CTBS: variants seen among roughly 807,000 people sequenced by gnomAD.
CTBS encodes di-N-acetylchitobiase.
In CTBS, 35 loss-of-function variants were observed where a neutral mutation model predicts 44.3. That is an observed-to-expected ratio of 0.79 (90% confidence interval 0.60 to 1.05). The LOEUF (loss-of-function observed/expected upper bound fraction) is 1.05. Among genes scored for constraint, CTBS ranks in the 50% least tolerant of loss-of-function variants. The pLI, the probability that CTBS is intolerant of heterozygous loss-of-function variation, is 0.00. For missense variants in CTBS, 458 were observed against 475.3 expected, an observed-to-expected ratio of 0.96 and a Z score of 0.34; for synonymous variants, 143 against 168.0, an observed-to-expected ratio of 0.85 and a Z score of 1.15.
rs1647212594 is a variant in CTBS at position 84,568,864 on chromosome 1, T to C, written c.525+1067A>G. Among the ~76,000 whole-genome samples the C allele has an allele frequency of 2.6e-5, 4 of 152,240 alleles. 1 individual carries two copies. The highest frequency in any genetic ancestry group is 4.1e-4 in the South Asian group (2 of 4,822). ...ATCCCGCTTTGCCTTCCACCATGAC[T>C]GTAAGTTTTCCTGAGGCCTCCCAAA... On this transcript the variant is annotated intron_variant, in intron 3 of 6. Coordinates refer to ENST00000370630, the MANE Select transcript of CTBS (RefSeq NM_004388.3).
chr1:84,570,817 A>G (rs554919380), intron 1 of CTBS, 97 bp from the exon 2 acceptor site: 362 of 1,204,690 alleles, frequency 3.0e-4, no homozygotes, highest in Non-Finnish European at 4.1e-4. Flanking sequence ...ACCAAACACT[A>G]TGGTGGCAGT....
rs1267742896 is a variant in CTBS, at chr1:84,555,213, T to G, written c.958-14A>C. ...GCCAGCAGGATCCTATATAAATAAA[T>G]TAAAATGGAGATTTTAAAGTATTTA... On this transcript the variant is annotated splice_polypyrimidine_tract_variant and intron_variant, in intron 6 of 6. Coordinates refer to ENST00000370630, the MANE Select transcript of CTBS (RefSeq NM_004388.3). 1.9e-6 allele frequency: 3 copies of G among 1,583,288 alleles called. No homozygotes were observed. The highest frequency in any genetic ancestry group is 1.7e-6 in the Non-Finnish European group (2 of 1,158,108).
At chr1:84,564,034 G>C (rs1056635914) in intron 4 of CTBS, 1 of 198,808 alleles carries the variant, frequency 5.0e-6, no homozygotes, top group African/African-American at 2.4e-5. Context: ...CTTTGAATAG[G>C]AGAAAACATT....
chr1:84,563,209 T>C (rs1684626866), intron 6 of CTBS, 48 bp downstream of exon 6: 1 of 1,245,384 alleles, frequency 8.0e-7, no homozygotes, highest in Non-Finnish European at 1.1e-6. Flanking sequence ...ATGAAAATAA[T>C]TACAAAAACT....
rs755986468 is a variant in CTBS at position 84,574,242 on chromosome 1, G to T, written c.174C>A (p.Phe58Leu). 4.1e-5 allele frequency: 66 copies of T among 1,605,702 alleles called. No homozygotes were observed. The highest frequency in any genetic ancestry group is 5.4e-5 in the African/African-American group (4 of 74,708). The change falls in exon 1 of 7, where the codon TTC becomes TTA. Residue 58 changes from phenylalanine (F) to leucine (L), a missense_variant. By Grantham distance (22) the Phe-to-Leu change is conservative (BLOSUM62 0). Transcript: ENST00000370630. ...LCRPIRHHPD[F>L]EVFVFDVGQK... is the part of the protein sequence containing the mutation. Reference sequence around the variant, plus strand: ...AGGAGCAGAGGAAGGCGCTGACCTCGAAATCTGGATGGTGGCGAATCGGGC... The same window carrying T: ...AGGAGCAGAGGAAGGCGCTGACCTCTAAATCTGGATGGTGGCGAATCGGGC...
chr1:84,550,660 C>A lies in CTBS; in HGVS notation c.*4339G>T. The A allele has an allele frequency of 5.7e-6, 7 of 1,235,538 alleles. No homozygotes were observed. Among genetic ancestry groups the A allele is most frequent in the Non-Finnish European group, 4.1e-6 (4 of 980,208 alleles). The allele number at this position is 1,235,538 out of a possible 1,614,324, so 76.5% of individuals were successfully genotyped here. ...GACTGTATTAAAATTGTTACCTTAA[C>A]AGTAAAGAGCATAGGTGAAAAAAAA... On this transcript the variant is annotated 3_prime_UTR_variant, in exon 7 of 7. Coordinates refer to ENST00000370630, the MANE Select transcript of CTBS (RefSeq NM_004388.3).
intron 6 of CTBS, among the ~76,000 whole-genome samples, chr1:84,556,279 A>C (rs890922447): frequency 6.6e-6 from 1 of 152,206 alleles, no homozygotes; most frequent in Non-Finnish European, 1.5e-5. Context: ...AAAAGATAGG[A>C]GATAAAAAAT....
intron 6 of CTBS, 74 bp downstream of exon 6, chr1:84,563,183 T>C: frequency 3.9e-6 from 4 of 1,032,068 alleles, no homozygotes; most frequent in Non-Finnish European, 5.3e-6. Flanking sequence ...AAATTCTTGA[T>C]ATCAAACATC....
Position 84,551,053 on chromosome 1 carries a change from C to T in CTBS, c.*3946G>A, listed in dbSNP as rs890126462. ...CATGGGACCTTTTGTATAGCAGATG[C>T]TTAGTAGAGGCTTCTGGGCATGCTC... is the stretch of plus-strand genomic sequence containing the variant. On this transcript the variant is annotated 3_prime_UTR_variant, in exon 7 of 7. Transcript: ENST00000370630. 8 of 985,102 alleles carry T rather than the reference C, an allele frequency of 8.1e-6. No homozygotes were observed. Among genetic ancestry groups the T allele is most frequent in the Non-Finnish European group, 9.6e-6 (8 of 829,878 alleles). The allele number at this position is 985,102 out of a possible 1,614,324, so 61.0% of individuals were successfully genotyped here.
At chr1:84,564,540 T>C (rs1684653646) in intron 4 of CTBS, among the ~76,000 whole-genome samples, 1 of 152,180 alleles carries the variant, frequency 6.6e-6, no homozygotes, top group Non-Finnish European at 1.5e-5. Context: ...TTATTTAGTT[T>C]GGTTGTTGAT....
rs1684302077 is a variant in CTBS, at chr1:84,552,416, A to AATTTGAAT, written c.*2582_*2583insATTCAAAT. 6.6e-6 allele frequency: 1 copy of AATTTGAAT among 152,170 alleles called. No homozygotes were observed. Among genetic ancestry groups the AATTTGAAT allele is most frequent in the Non-Finnish European group, 1.5e-5 (1 of 68,048 alleles). 9.4% of individuals were successfully genotyped at this position (152,170 alleles called of 1,614,324 possible). On this transcript the variant is annotated 3_prime_UTR_variant, in exon 7 of 7. Coordinates refer to ENST00000370630, the MANE Select transcript of CTBS (RefSeq NM_004388.3). ...CACTTGGAATAGTAAGGGCTCTGGT[A>AATTTGAAT]CCAGGTGGTTTGAATTTGAATCCTG... is the stretch of plus-strand genomic sequence containing the variant.
At position 84,550,916 on chromosome 1, in the gene CTBS, T is replaced by C; in HGVS notation, c.*4083A>G. ...TTTTTATGGGTAATCGTTTCATTTTTTCTGGTTATTTTCATATGTATTCTA... is the reference window on the plus strand; with the variant it reads ...TTTTTATGGGTAATCGTTTCATTTTCTCTGGTTATTTTCATATGTATTCTA... On this transcript the variant is annotated 3_prime_UTR_variant, in exon 7 of 7. Coordinates refer to ENST00000370630, the MANE Select transcript of CTBS (RefSeq NM_004388.3). 3.1e-6 allele frequency: 3 copies of C among 978,164 alleles called. No individual in the cohort carries two copies. Among genetic ancestry groups the C allele is most frequent in the Non-Finnish European group, 3.6e-6 (3 of 823,342 alleles). 60.6% of individuals were successfully genotyped at this position (978,164 alleles called of 1,614,324 possible). A position where few individuals can be genotyped will look rare whatever the true frequency, so the allele number is the denominator to read the frequency against.
chr1:84,569,555 G>C (rs1187168805), intron 3 of CTBS, among the ~76,000 whole-genome samples: 1 of 152,184 alleles, frequency 6.6e-6, no homozygotes, highest in Non-Finnish European at 1.5e-5. Context: ...AAGTAATTCA[G>C]AGACTGTAGA....
chr1:84,560,077 C>A (rs1472444623), intron 6 of CTBS, among the ~76,000 whole-genome samples: 1 of 103,766 alleles, frequency 9.6e-6, no homozygotes, highest in African/African-American at 4.1e-5. Flanking sequence ...GAGCAAGACT[C>A]TGTCTCAAAA....
intron 1 of CTBS, among the ~76,000 whole-genome samples, 182 bp from the exon 2 acceptor site, chr1:84,570,902 G>A (rs770388170): frequency 1.3e-5 from 2 of 152,194 alleles, no homozygotes; most frequent in Non-Finnish European, 2.9e-5. Flanking sequence ...CTGGGAAAGA[G>A]GGGAAGGATG....
Position 84,555,189 on chromosome 1 carries a change from C to A in CTBS, c.968G>T (p.Gly323Val), listed in dbSNP as rs751010887. ...APYYNYKDPA[G>V]HFHQVWYDNP... ...ATCATACCATACTTGATGAAAGTGG[C>A]CAGCAGGATCCTATATAAATAAATT... is the stretch of plus-strand genomic sequence containing the variant. Residue 323 changes from glycine (G) to valine (V), a missense_variant, in exon 7 of 7, where the codon GGC becomes GTC. Transcript: ENST00000370630. The A allele has an allele frequency of 2.8e-5, 45 of 1,610,496 alleles. No individual in the cohort carries two copies. The Middle Eastern group carries it at 1.3e-3, about 47-fold the overall frequency.
At position 84,563,428 on chromosome 1, in the gene CTBS, C is replaced by G. The variant is rs751797912; in HGVS notation, c.796-10G>C. On this transcript the variant is annotated splice_polypyrimidine_tract_variant and intron_variant, in intron 5 of 6. Coordinates refer to ENST00000370630, the MANE Select transcript of CTBS (RefSeq NM_004388.3). Reference sequence around the variant, plus strand: ...TGGTACAAACATGATCCTAGAAATGCAAAAGTGCTCATGTTATATATTATC... The same window carrying G: ...TGGTACAAACATGATCCTAGAAATGGAAAAGTGCTCATGTTATATATTATC... 4.1e-6 allele frequency: 6 copies of G among 1,478,596 alleles called. No homozygotes were observed. In the Admixed American group the frequency reaches 7.5e-5, roughly 19 times the overall value. 91.6% of individuals were successfully genotyped at this position (1,478,596 alleles called of 1,614,324 possible).
At chr1:84,563,092 AGTTCCT>A (rs1684625033) in intron 6 of CTBS, among the ~76,000 whole-genome samples, 159 bp downstream of exon 6, 1 of 152,236 alleles carries the variant, frequency 6.6e-6, no homozygotes, top group South Asian at 2.1e-4. Flanking sequence ...AGGGAACTAA[AGTTCCT>A]GATTACAGAT....
chr1:84,557,964 A>G (rs564084293), intron 6 of CTBS, among the ~76,000 whole-genome samples: 319 of 152,224 alleles, frequency 2.1e-3, no homozygotes, highest in Non-Finnish European at 3.6e-3. Context: ...TCTGAGACCT[A>G]AAGAATGTGT....
Sources: gnomAD v4.1 joint callset for allele counts (sites outside exome capture counted in the v4.1 genomes callset) on GRCh38, gnomAD v4.1.1 for gene constraint, MANE v1.5 for transcripts, NCBI Gene and HGNC (gene_info 2026-07-23, HGNC 2026-07-21) for gene names.